The following CCNT2 variants were observed in gnomAD, a reference collection of about 807,000 sequenced individuals.
CCNT2 encodes the protein cyclin T2.
A neutral mutation model predicts 70.0 loss-of-function variants in CCNT2; 18 were observed. That is an observed-to-expected ratio of 0.26 (90% CI 0.18 to 0.38). CCNT2 has a LOEUF of 0.38. CCNT2 is among the 10% of genes least tolerant of loss of function. The pLI, the probability that CCNT2 is intolerant of heterozygous loss-of-function variation, is 1.00. For missense variants in CCNT2, 734 were observed against 890.2 expected (o/e 0.82, Z 2.23); for synonymous variants, 334 against 313.3 (o/e 1.07, Z -0.70).
Position 134,943,901 on chromosome 2 carries a change from A to G in CCNT2, c.493+1227A>G, listed in dbSNP as rs547201063. 13 of 969,742 alleles carry G rather than the reference A, an allele frequency of 1.3e-5. No homozygotes were observed. The East Asian group carries it at 1.5e-3, about 111-fold the overall frequency. The allele number at this position is 969,742 out of a possible 1,614,324, so 60.1% of individuals were successfully genotyped here. The stretch of plus-strand genomic sequence containing the variant: ...TAGATTTATCCTAAACAAAATGAGT[A>G]CGACTTTTGAAAATCTTTTGTTTTT... On this transcript the variant is annotated intron_variant, in intron 5 of 8. Transcript: ENST00000264157.
At chr2:134,944,868 T>C in intron 5 of CCNT2, 1 of 985,322 alleles carries the variant, frequency 1.0e-6, no homozygotes, top group Non-Finnish European at 1.2e-6. Flanking sequence ...AGGTGAAAAC[T>C]GCTAATGGCA....
In CCNT2 at chr2:134,919,823, A is replaced by T; in HGVS notation, c.172A>T (p.Ile58Leu). The T allele has an allele frequency of 6.2e-7, 1 of 1,611,738 alleles. No individual in the cohort carries two copies. The highest frequency in any genetic ancestry group is 8.5e-7 in the Non-Finnish European group (1 of 1,178,716). ...ATTACGTTCCAGCTCTCAGCTTACA[A>T]TAAACACTGCGATTGTTTATATGCA... is the stretch of plus-strand genomic sequence containing the variant. ...GQRLNVSQLT[I>L]NTAIVYMHRF... is the part of the protein sequence containing the mutation. The change falls in exon 2 of 9, where the codon ATA becomes TTA. Residue 58 changes from isoleucine to leucine, a missense_variant. By Grantham distance (5) the Ile-to-Leu change is conservative. This residue lies in a region of CCNT2 where 161 missense variants were observed against 303.8 expected (regional missense o/e 0.53). Transcript: ENST00000264157.
At chr2:134,949,443 T>C (rs1290745658) in intron 7 of CCNT2, among the ~76,000 whole-genome samples, 3 of 152,232 alleles carry the variant, frequency 2.0e-5, no homozygotes, top group African/African-American at 4.8e-5. Context: ...GTAAAACTTT[T>C]GTTGACAAAA....
At position 134,953,331 on chromosome 2, in the gene CCNT2, C is replaced by T. The variant is rs368278085; in HGVS notation, c.876C>T (p.Val292=). ...AGAATTCCATTTTAGTAGATAGTGT[C>T]ACTGGTGTGCCTACAAACCCAAGTT... is the stretch of plus-strand genomic sequence containing the variant. ...LVQNSILVDS[V]TGVPTNPSFQ... The change falls in exon 9 of 9, where the codon GTC becomes GTT. Residue 292 remains valine (V), a synonymous_variant. Transcript: ENST00000264157. The T allele has an allele frequency of 1.9e-6, 3 of 1,610,354 alleles. No individual in the cohort carries two copies. The highest frequency in any genetic ancestry group is 2.5e-6 in the Non-Finnish European group (3 of 1,177,808).
At chr2:134,942,878 A>G (rs1000311641) in intron 5 of CCNT2, 5 of 1,357,644 alleles carry the variant, frequency 3.7e-6, no homozygotes, top group Non-Finnish European at 3.8e-6. Context: ...CTTTAAACAT[A>G]GGTAAGAATC....
rs533045212 is a variant in CCNT2, at chr2:134,956,541, T to C, written c.*1893T>C. On this transcript the variant is annotated 3_prime_UTR_variant, in exon 9 of 9. Coordinates refer to ENST00000264157, the MANE Select transcript of CCNT2 (RefSeq NM_058241.3). ...GTGGTACATAATCCAAGGACTAGTA[T>C]AGAATTAAGCTGAGTGCAAGATGAG... The C allele has an allele frequency of 6.6e-5, 10 of 152,640 alleles. No individual in the cohort carries two copies. The highest frequency in any genetic ancestry group is 3.3e-4 in the Admixed American group (5 of 15,300). 9.5% of individuals were successfully genotyped at this position (152,640 alleles called of 1,614,324 possible).
intron 5 of CCNT2, chr2:134,943,230 A>C: frequency 2.3e-6 from 1 of 439,968 alleles, no homozygotes; most frequent in Non-Finnish European, 3.0e-6. Flanking sequence ...GTGAAACCCC[A>C]TCTCTACAAA....
At chr2:134,943,136 C>G (rs1681689877) in intron 5 of CCNT2, 1 of 977,938 alleles carries the variant, frequency 1.0e-6, no homozygotes, top group Non-Finnish European at 1.2e-6. Flanking sequence ...TACGGTGGCT[C>G]CCACCTGTAA....
chr2:134,943,886 C>T, intron 5 of CCNT2: 1 of 976,020 alleles, frequency 1.0e-6, no homozygotes, highest in Non-Finnish European at 1.2e-6. Flanking sequence ...TAGATTTATC[C>T]TAAACAAAAT....
At chr2:134,948,845 G>A (rs987282860) in intron 7 of CCNT2, among the ~76,000 whole-genome samples, 7 of 151,218 alleles carry the variant, frequency 4.6e-5, no homozygotes, top group African/African-American at 1.2e-4. Flanking sequence ...CTCCCAAGTC[G>A]CTGGGACTGC....
At chr2:134,949,810 G>GT (rs1000463452) in intron 7 of CCNT2, among the ~76,000 whole-genome samples, 3 of 133,688 alleles carry the variant, frequency 2.2e-5, no homozygotes, top group African/African-American at 2.7e-5. Flanking sequence ...TTCGGGGGGG[G>GT]GGTGGGGGAC....
chr2:134,937,969 C>A (rs895486130), intron 3 of CCNT2, among the ~76,000 whole-genome samples: 1 of 152,084 alleles, frequency 6.6e-6, no homozygotes, highest in Non-Finnish European at 1.5e-5. Flanking sequence ...GAACCTTTAC[C>A]CATTGAATGA....
chr2:134,936,961 A>C lies in CCNT2; in HGVS notation c.361A>C (p.Lys121Gln), dbSNP rs762478764. The C allele has an allele frequency of 2.5e-6, 4 of 1,605,474 alleles. No homozygotes were observed. The South Asian group carries it at 4.5e-5, about 18-fold the overall frequency. ...LHPLEPLLDT[K>Q]CDAYLQQTQE... Reference sequence around the variant, plus strand: ...TCCTCTAGAGCCACTGCTGGATACTAAATGTGATGTATGTAAATACTGGGT... The same window carrying C: ...TCCTCTAGAGCCACTGCTGGATACTCAATGTGATGTATGTAAATACTGGGT... The change falls in exon 3 of 9, where the codon AAA (lysine) becomes CAA (glutamine). Residue 121 changes from lysine to glutamine, a missense_variant. This residue lies in a region of CCNT2 where 161 missense variants were observed against 303.8 expected (regional missense o/e 0.53). Transcript: ENST00000264157.
At chr2:134,936,056 A>G (rs1447600590) in intron 2 of CCNT2, among the ~76,000 whole-genome samples, 1 of 151,950 alleles carries the variant, frequency 6.6e-6, no homozygotes, top group African/African-American at 2.4e-5. Context: ...TAGCCACACA[A>G]TGAATCATTG....
rs1022520929 is a variant in CCNT2 at position 134,956,506 on chromosome 2, T to C, written c.*1858T>C. On this transcript the variant is annotated 3_prime_UTR_variant, in exon 9 of 9. Transcript: ENST00000264157. ...AAACATGGTAATTTTGATACAGTTA[T>C]ACTTTTACAGTGGTACATAATCCAA... 16 of 152,448 alleles carry C rather than the reference T, an allele frequency of 1.0e-4. No individual in the cohort carries two copies. The highest frequency in any genetic ancestry group is 1.5e-4 in the Non-Finnish European group (10 of 68,004). The allele number at this position is 152,448 out of a possible 1,614,324, so 9.4% of individuals were successfully genotyped here. A position where few individuals can be genotyped will look rare whatever the true frequency, so the allele number is the denominator to read the frequency against.
At chr2:134,944,335 G>GA in intron 5 of CCNT2, 1 of 971,186 alleles carries the variant, frequency 1.0e-6, no homozygotes, top group Non-Finnish European at 1.2e-6. Flanking sequence ...GCCTATTGAA[G>GA]AAACATTAGT....
At chr2:134,949,802 C>CGGTGG (rs1553525572) in intron 7 of CCNT2, among the ~76,000 whole-genome samples, 1 of 48,900 alleles carries the variant, frequency 2.0e-5, no homozygotes, top group African/African-American at 7.3e-5. Flanking sequence ...ATTTTTTTTT[C>CGGTGG]GGGGGGGGGG....
chr2:134,944,247 A>T, intron 5 of CCNT2: 1 of 982,200 alleles, frequency 1.0e-6, no homozygotes, highest in Non-Finnish European at 1.2e-6. Context: ...AAAAAGGGTT[A>T]GTTTTTTCTA....
chr2:134,954,406 G>C lies in CCNT2; in HGVS notation c.1951G>C (p.Val651Leu), dbSNP rs1329229640. 2.5e-6 allele frequency: 4 copies of C among 1,613,922 alleles called. No homozygotes were observed. The African/African-American group carries it at 5.3e-5, about 22-fold the overall frequency. Residue 651 changes from valine to leucine, a missense_variant, in exon 9 of 9, where the codon GTT (valine) becomes CTT (leucine). Around this residue, in one of 3 missense-constraint regions of CCNT2, gnomAD observed 532 missense variants for 556.9 expected, o/e 0.96. Coordinates refer to ENST00000264157, the MANE Select transcript of CCNT2 (RefSeq NM_058241.3). ...TAGTTCATCTAGTTCTTCCTCCTCT[G>C]TTAAGCAGTATATATCCTCTCACAA... ...SGSSSSSSSSVKQYISSHNSV... is the reference protein window; with the variant it reads ...SGSSSSSSSSLKQYISSHNSV...
Sources: gnomAD v4.1 joint callset for allele counts (sites outside exome capture counted in the v4.1 genomes callset) on GRCh38, gnomAD v4.1.1 for gene constraint, gnomAD v4.1.1 regional missense constraint, MANE v1.5 for transcripts, NCBI Gene and HGNC (gene_info 2026-07-23, HGNC 2026-07-21) for gene names.